FOXP1: variants seen among roughly 807,000 people sequenced by gnomAD.
The protein encoded by FOXP1 is forkhead box protein P1.
A neutral mutation model predicts 98.2 loss-of-function variants in FOXP1; 15 were observed. The ratio of observed to expected loss-of-function variants is 0.15; its 90% CI spans 0.10 to 0.24. The LOEUF is 0.24. Ranked by LOEUF, FOXP1 falls within the 10% of genes least tolerant of loss-of-function variation. FOXP1 has a pLI of 1.00. For missense variants in FOXP1, 633 were observed against 848.5 expected (o/e 0.75, Z 3.15); for synonymous variants, 371 against 314.5 (o/e 1.18, Z -1.90).
chr3:71,047,134 C>G, intron 9 of FOXP1, 39 bp from the exon 10 acceptor site: 1 of 1,612,700 alleles, frequency 6.2e-7, no homozygotes, highest in South Asian at 1.1e-5. Context: ...ATGGCCACTT[C>G]CCAAGGAAGG....
intron 2 of FOXP1, among the ~76,000 whole-genome samples, chr3:71,522,731 C>T (rs552877904): frequency 1.8e-4 from 27 of 152,206 alleles, no homozygotes; most frequent in Admixed American, 2.0e-4. Context: ...GAAATATGAC[C>T]CATGACTTGG....
chr3:71,578,506 T>A (rs1038240365), intron 2 of FOXP1, among the ~76,000 whole-genome samples: 1 of 152,196 alleles, frequency 6.6e-6, no homozygotes, highest in Admixed American at 6.5e-5. Flanking sequence ...ACATACTTTT[T>A]GAGATGTGGA....
At chr3:71,194,931 T>C (rs764832152) in intron 6 of FOXP1, among the ~76,000 whole-genome samples, 1 of 152,166 alleles carries the variant, frequency 6.6e-6, no homozygotes, top group Non-Finnish European at 1.5e-5. Context: ...AGCACCTCTC[T>C]TGGGCTGATG....
chr3:71,205,482 G>C (rs1421739250), intron 5 of FOXP1, among the ~76,000 whole-genome samples: 1 of 152,074 alleles, frequency 6.6e-6, no homozygotes, highest in African/African-American at 2.4e-5. Flanking sequence ...AAGTTCAGGA[G>C]CAATGAAATT....
intron 6 of FOXP1, among the ~76,000 whole-genome samples, chr3:71,187,677 G>T (rs1164307092): frequency 1.3e-5 from 2 of 152,074 alleles, no homozygotes; most frequent in African/African-American, 4.8e-5. Context: ...GTGTTTATAA[G>T]AAATAGAAAT....
intron 6 of FOXP1, among the ~76,000 whole-genome samples, chr3:71,180,086 TA>T (rs2062195134): frequency 6.6e-6 from 1 of 152,150 alleles, no homozygotes; most frequent in African/African-American, 2.4e-5. Context: ...TCTCTGCCAA[TA>T]TTTTATGGGA....
chr3:71,194,432 T>C (rs2063182055), intron 6 of FOXP1, among the ~76,000 whole-genome samples: 1 of 152,206 alleles, frequency 6.6e-6, no homozygotes, highest in African/African-American at 2.4e-5. Context: ...ATGGAGAAAC[T>C]TCTAAACATT....
intron 5 of FOXP1, among the ~76,000 whole-genome samples, chr3:71,291,119 G>GT (rs2072710202): frequency 6.6e-6 from 1 of 152,044 alleles, no homozygotes; most frequent in African/African-American, 2.4e-5. Context: ...CCACGCCCTT[G>GT]TTTATCACGC....
intron 7 of FOXP1, among the ~76,000 whole-genome samples, chr3:71,096,831 T>C (rs532480578): frequency 1.3e-5 from 2 of 152,322 alleles, no homozygotes; most frequent in Admixed American, 6.5e-5. Context: ...AAGCCAACTG[T>C]AGCCCTGCCA....
chr3:70,959,795 G>A (rs1273677889), intron 20 of FOXP1, among the ~76,000 whole-genome samples: 1 of 152,140 alleles, frequency 6.6e-6, no homozygotes, highest in African/African-American at 2.4e-5. Flanking sequence ...TGTGGGCCTT[G>A]TTGAAATGCA....
At chr3:71,261,660 C>A (rs992579345) in intron 5 of FOXP1, among the ~76,000 whole-genome samples, 1 of 152,012 alleles carries the variant, frequency 6.6e-6, no homozygotes, top group Non-Finnish European at 1.5e-5. Context: ...TAATCTCGAA[C>A]AATTGTGAAA....
At chr3:71,088,139 A>G (rs2055342723) in intron 7 of FOXP1, among the ~76,000 whole-genome samples, 1 of 152,204 alleles carries the variant, frequency 6.6e-6, no homozygotes, top group Non-Finnish European at 1.5e-5. Context: ...GAAATTGCGA[A>G]AGAGCAACCA....
intron 6 of FOXP1, among the ~76,000 whole-genome samples, chr3:71,184,822 C>A (rs560686273): frequency 6.6e-6 from 1 of 151,376 alleles, no homozygotes; most frequent in African/African-American, 2.4e-5. Flanking sequence ...CATACAAACA[C>A]ACTTTTCAGG....
rs183069030 is a variant in FOXP1, at chr3:71,392,880, A to G, written c.-167-33636T>C. Among the ~76,000 whole-genome samples the G allele has an allele frequency of 4.2e-4, 64 of 152,334 alleles. 1 individual carries two copies. Among genetic ancestry groups the G allele is most frequent in the Admixed American group, 4.2e-3 (64 of 15,300 alleles). ...TTTACCGTTTGGAAGGGATTAATTT[A>G]CCTAGAAAGTATCTTCACATTTTAC... On this transcript the variant is annotated intron_variant, in intron 3 of 20. Coordinates refer to ENST00000649528, the MANE Select transcript of FOXP1 (RefSeq NM_001349338.3).
At chr3:70,979,152 C>T (rs965761352) in intron 14 of FOXP1, among the ~76,000 whole-genome samples, 1 of 151,254 alleles carries the variant, frequency 6.6e-6, no homozygotes, top group Non-Finnish European at 1.5e-5. Context: ...TGTGGTGGCA[C>T]ATGCCTGTAG....
intron 3 of FOXP1, among the ~76,000 whole-genome samples, chr3:71,387,766 T>C (rs1421483393): frequency 1.3e-5 from 2 of 152,238 alleles, no homozygotes; most frequent in Admixed American, 6.5e-5. Flanking sequence ...CATGTGTTCA[T>C]GCGGCATGAC....
intron 7 of FOXP1, among the ~76,000 whole-genome samples, chr3:71,093,533 G>C (rs966821991): frequency 2.1e-5 from 3 of 145,374 alleles, no homozygotes; most frequent in African/African-American, 7.6e-5. Context: ...GGCTAGTACA[G>C]ATTACCTCTG....
intron 2 of FOXP1, among the ~76,000 whole-genome samples, chr3:71,514,169 C>T (rs929249134): frequency 6.6e-6 from 1 of 152,196 alleles, no homozygotes; most frequent in African/African-American, 2.4e-5. Context: ...CTCTTGGCCA[C>T]AGCAGCCTCC....
chr3:71,265,389 C>T (rs1213636300), intron 5 of FOXP1, among the ~76,000 whole-genome samples: 1 of 152,150 alleles, frequency 6.6e-6, no homozygotes. Flanking sequence ...AAGAATGGCT[C>T]CTAGTTCCAG....
Sources: gnomAD v4.1 joint callset for allele counts (sites outside exome capture counted in the v4.1 genomes callset) on GRCh38, gnomAD v4.1.1 for gene constraint, MANE v1.5 for transcripts, NCBI Gene and HGNC (gene_info 2026-07-23, HGNC 2026-07-21) for gene names.